The following AUTS2 variants were observed in gnomAD, a reference collection of about 807,000 sequenced individuals.
The protein encoded by AUTS2 is activator of transcription and developmental regulator AUTS2.
A neutral mutation model predicts 112.4 loss-of-function variants in AUTS2; 17 were observed. That is an observed-to-expected ratio of 0.15 (90% CI 0.10 to 0.23). The LOEUF (loss-of-function observed/expected upper bound fraction) is 0.23, where lower values mean the gene tolerates loss of function less well. Among genes scored for constraint, AUTS2 ranks in the 10% least tolerant of loss-of-function variants. The pLI is 1.00. For synonymous variants in AUTS2, 751 were observed against 702.7 expected, an observed-to-expected ratio of 1.07 and a Z score of -1.09; for missense variants, 1,510 against 1,701.6, an observed-to-expected ratio of 0.89 and a Z score of 1.98.
chr7:70,016,495 T>G (rs1217600564), intron 2 of AUTS2, among the ~76,000 whole-genome samples: 1 of 151,920 alleles, frequency 6.6e-6, no homozygotes, highest in Non-Finnish European at 1.5e-5. Flanking sequence ...CTAAAGCCAG[T>G]TTGGAGAGCG....
At chr7:69,686,777 C>T (rs1470734903) in intron 1 of AUTS2, among the ~76,000 whole-genome samples, 3 of 152,046 alleles carry the variant, frequency 2.0e-5, no homozygotes, top group Non-Finnish European at 4.4e-5. Context: ...ATCCAGAAAA[C>T]ATTAAGAACC....
intron 2 of AUTS2, among the ~76,000 whole-genome samples, chr7:69,966,738 T>C (rs902307283): frequency 6.6e-6 from 1 of 152,144 alleles, no homozygotes; most frequent in Admixed American, 6.6e-5. Flanking sequence ...CAAACCATGC[T>C]CCTTGATTTC....
At chr7:70,175,671 A>G (rs533857037) in intron 4 of AUTS2, among the ~76,000 whole-genome samples, 2 of 152,288 alleles carry the variant, frequency 1.3e-5, no homozygotes, top group South Asian at 4.2e-4. Context: ...CCACCAGCAA[A>G]AAGATTATGA....
intron 1 of AUTS2, among the ~76,000 whole-genome samples, chr7:69,608,122 T>A (rs1481248967): frequency 6.6e-6 from 1 of 151,986 alleles, no homozygotes; most frequent in African/African-American, 2.4e-5. Flanking sequence ...TTTGTAGAGA[T>A]AGAGTTTTGC....
chr7:70,218,826 C>A (rs571370921), intron 4 of AUTS2, among the ~76,000 whole-genome samples: 32 of 152,250 alleles, frequency 2.1e-4, no homozygotes, highest in Admixed American at 2.0e-4. Flanking sequence ...CCAGAACCTA[C>A]CTTCTTCCAG....
chr7:70,281,635 A>G (rs898358599), intron 4 of AUTS2, among the ~76,000 whole-genome samples: 2 of 151,428 alleles, frequency 1.3e-5, no homozygotes, highest in Non-Finnish European at 2.9e-5. Context: ...GGGTATTACA[A>G]TCCAGTGTGT....
At chr7:70,613,969 G>GAATT (rs1161645408) in intron 5 of AUTS2, among the ~76,000 whole-genome samples, 4 of 152,218 alleles carry the variant, frequency 2.6e-5, no homozygotes, top group Non-Finnish European at 5.9e-5. Context: ...AGCTCCAAAT[G>GAATT]AATTACAGCA....
intron 1 of AUTS2, among the ~76,000 whole-genome samples, chr7:69,828,387 C>A (rs1791349531): frequency 6.6e-6 from 1 of 152,124 alleles, no homozygotes; most frequent in African/African-American, 2.4e-5. Flanking sequence ...GAACCGTGAG[C>A]CAGCGTAAGA....
At chr7:70,597,001 G>GTT (rs891872784) in intron 5 of AUTS2, among the ~76,000 whole-genome samples, 1 of 152,096 alleles carries the variant, frequency 6.6e-6, no homozygotes, top group African/African-American at 2.4e-5. Flanking sequence ...GAATTCTTCA[G>GTT]TTTAATTAAG....
rs534596545 is a variant in AUTS2, at chr7:70,160,952, A to T, written c.660+26381A>T. Among the ~76,000 whole-genome samples, 15 of 152,270 alleles carry T rather than the reference A, an allele frequency of 9.9e-5. No homozygotes were observed. In the South Asian group the frequency reaches 2.9e-3, roughly 29 times the overall value. On this transcript the variant is annotated intron_variant, in intron 4 of 18. Coordinates refer to ENST00000342771, the MANE Select transcript of AUTS2 (RefSeq NM_015570.4). The stretch of plus-strand genomic sequence containing the variant: ...AGGGAATGATTGTAAATTGCATGCA[A>T]ATTTCAACTCGGCTGGAATTAATCA...
chr7:70,234,209 T>A (rs1373761649), intron 4 of AUTS2, among the ~76,000 whole-genome samples: 1 of 152,196 alleles, frequency 6.6e-6, no homozygotes, highest in Admixed American at 6.5e-5. Context: ...ATTAATATAT[T>A]AATGTATTAT....
intron 2 of AUTS2, among the ~76,000 whole-genome samples, chr7:69,914,375 A>ACACACACG (rs1795486199): frequency 6.6e-6 from 1 of 151,102 alleles, no homozygotes; most frequent in African/African-American, 2.4e-5. Flanking sequence ...ACACACACAC[A>ACACACACG]CACACACACA....
chr7:69,683,480 CTCTA>C (rs1796907339), intron 1 of AUTS2, among the ~76,000 whole-genome samples: 1 of 152,136 alleles, frequency 6.6e-6, no homozygotes, highest in Non-Finnish European at 1.5e-5. Context: ...CTTTTACCCT[CTCTA>C]TCTGCTTAAA....
chr7:70,518,964 A>G (rs1420576624), intron 5 of AUTS2, among the ~76,000 whole-genome samples: 2 of 152,010 alleles, frequency 1.3e-5, no homozygotes, highest in Admixed American at 1.3e-4. Flanking sequence ...TCAGCTTCCC[A>G]AAGTGCCGGG....
At chr7:70,617,022 A>C (rs957884926) in intron 5 of AUTS2, among the ~76,000 whole-genome samples, 1 of 152,210 alleles carries the variant, frequency 6.6e-6, no homozygotes, top group Non-Finnish European at 1.5e-5. Context: ...TAATAGCTTG[A>C]CTAGCAGTGC....
intron 2 of AUTS2, among the ~76,000 whole-genome samples, chr7:70,106,086 A>G (rs58038365): frequency 5.9e-5 from 9 of 152,274 alleles, no homozygotes; most frequent in African/African-American, 2.2e-4. Flanking sequence ...CCCTCAATCA[A>G]AACTGAATTA....
chr7:69,772,526 C>G (rs532521704), intron 1 of AUTS2, among the ~76,000 whole-genome samples: 1 of 152,292 alleles, frequency 6.6e-6, no homozygotes, highest in East Asian at 1.9e-4. Context: ...CTTCATCTCT[C>G]AGACTTAAGC....
chr7:70,580,407 G>C (rs1201161908), intron 5 of AUTS2, among the ~76,000 whole-genome samples: 1 of 152,148 alleles, frequency 6.6e-6, no homozygotes, highest in Non-Finnish European at 1.5e-5. Flanking sequence ...TAGTTCTTCA[G>C]GAAGGAAGGC....
chr7:70,602,351 G>T lies in AUTS2; in HGVS notation c.691-96218G>T, dbSNP rs553698821. Among the ~76,000 whole-genome samples, 7 of 152,278 alleles carry T rather than the reference G, an allele frequency of 4.6e-5. No homozygotes were observed. The East Asian group carries it at 9.6e-4, about 21-fold the overall frequency. On this transcript the variant is annotated intron_variant, in intron 5 of 18. Coordinates refer to ENST00000342771, the MANE Select transcript of AUTS2 (RefSeq NM_015570.4). ...ACCGGTTGGACTGTAGCATGATCAG[G>T]ACCTGACCCCTGGTACATTGACACC...
Sources: allele counts gnomAD v4.1 joint callset (sites outside exome capture counted in the v4.1 genomes callset), GRCh38; gene constraint gnomAD v4.1.1; transcripts MANE v1.5; gene names NCBI Gene and HGNC (gene_info 2026-07-23, HGNC 2026-07-21).